Variants in ITIH2 observed in about 807,000 individuals in gnomAD.
ITIH2 encodes the protein inter-alpha-trypsin inhibitor heavy chain 2, also known as inter-alpha-trypsin inhibitor heavy chain H2.
A neutral mutation model predicts 104.4 loss-of-function variants in ITIH2; 103 were observed. That is an observed-to-expected ratio of 0.99 (90% CI 0.84 to 1.16). The LOEUF is 1.16. Ranked by LOEUF, ITIH2 falls within the 50% of genes most tolerant of loss-of-function variation. ITIH2 has a pLI of 0.00. For missense variants in ITIH2, 1,108 were observed against 1,162.4 expected, an observed-to-expected ratio of 0.95 and a Z score of 0.68; for synonymous variants, 436 against 435.4, an observed-to-expected ratio of 1.00 and a Z score of -0.02.
intron 4 of ITIH2, among the ~76,000 whole-genome samples, chr10:7,711,735 G>A (rs1392584258): frequency 6.6e-6 from 1 of 152,182 alleles, no homozygotes; most frequent in African/African-American, 2.4e-5. Context: ...ATTCTTCAGT[G>A]GAGCTGTCCC....
chr10:7,744,024 C>T, intron 17 of ITIH2, 58 bp from the exon 18 acceptor site: 2 of 1,288,136 alleles, frequency 1.6e-6, no homozygotes, highest in East Asian at 2.4e-5. Context: ...ATTATAGTAC[C>T]CACACATGCA....
intron 6 of ITIH2, among the ~76,000 whole-genome samples, chr10:7,718,404 G>T (rs1887332): frequency 6.6e-6 from 1 of 152,068 alleles, no homozygotes; most frequent in Admixed American, 6.5e-5. Context: ...GAGGTTGGGC[G>T]CATCTTTAGG....
At chr10:7,739,295 C>G (rs1290314717) in intron 16 of ITIH2, among the ~76,000 whole-genome samples, 1 of 152,182 alleles carries the variant, frequency 6.6e-6, no homozygotes, top group Non-Finnish European at 1.5e-5. Context: ...TCTAGAAAAC[C>G]TGTGTGCAGC....
intron 15 of ITIH2, 55 bp downstream of exon 15, chr10:7,735,146 T>C (rs544777485): frequency 1.3e-6 from 2 of 1,508,358 alleles, no homozygotes; most frequent in Non-Finnish European, 1.8e-6. Context: ...GCCCCGGGGG[T>C]GGGCGAAGTC....
At chr10:7,715,149 G>A (rs1352809158) in intron 5 of ITIH2, among the ~76,000 whole-genome samples, 7 of 152,238 alleles carry the variant, frequency 4.6e-5, no homozygotes, top group East Asian at 3.9e-4. Flanking sequence ...CCAGCCAGGC[G>A]TGGTGGCTCA....
At chr10:7,743,453 A>G (rs1435968428) in intron 17 of ITIH2, among the ~76,000 whole-genome samples, 194 bp downstream of exon 17, 1 of 152,150 alleles carries the variant, frequency 6.6e-6, no homozygotes, top group Non-Finnish European at 1.5e-5. Flanking sequence ...CTGAGTATGA[A>G]CTTGCAGATC....
At chr10:7,734,710 A>T (rs992914354) in intron 14 of ITIH2, among the ~76,000 whole-genome samples, 6 of 152,176 alleles carry the variant, frequency 3.9e-5, no homozygotes, top group African/African-American at 1.4e-4. Context: ...TAATAATGAT[A>T]ATAAATAAGT....
intron 19 of ITIH2, among the ~76,000 whole-genome samples, chr10:7,746,068 T>TAAAAAAAAAAA (rs372266950): frequency 5.6e-5 from 2 of 35,796 alleles, no homozygotes; most frequent in African/African-American, 1.8e-4. Context: ...ATCTTAAATT[T>TAAAAAAAAAAA]AAAAAAAAAA....
At chr10:7,746,766 C>G in intron 20 of ITIH2, 62 bp downstream of exon 20, 1 of 990,376 alleles carries the variant, frequency 1.0e-6, no homozygotes, top group Admixed American at 1.9e-5. Flanking sequence ...ACCCACACAG[C>G]AAAATAGAGG....
At chr10:7,747,068 C>T (rs1002426317) in intron 20 of ITIH2, among the ~76,000 whole-genome samples, 17 of 152,188 alleles carry the variant, frequency 1.1e-4, no homozygotes, top group African/African-American at 3.6e-4. Context: ...TAGATTTTTA[C>T]ATCAGGCTAG....
intron 4 of ITIH2, among the ~76,000 whole-genome samples, chr10:7,711,231 C>CT (rs1489780665): frequency 6.6e-6 from 1 of 152,194 alleles, no homozygotes; most frequent in African/African-American, 2.4e-5. Context: ...AGGAAGATGG[C>CT]TTACAGCTTC....
At position 7,721,671 on chromosome 10, in the gene ITIH2, C is replaced by T. The variant is rs142238924; in HGVS notation, c.761C>T (p.Thr254Met). ...QQKAHVSFKPTVAQQRICPNC... is the reference protein window; with the variant it reads ...QQKAHVSFKPMVAQQRICPNC... ...TAGGCGCACGTCTCCTTCAAGCCCA[C>T]GGTAGCACAGCAGAGAATATGCCCT... Residue 254 changes from threonine (T) to methionine (M), a missense_variant, in exon 8 of 21, where the codon ACG becomes ATG. Transcript: ENST00000358415. 3.9e-5 allele frequency: 63 copies of T among 1,613,654 alleles called. No homozygotes were observed. Among genetic ancestry groups the T allele is most frequent in the African/African-American group, 1.2e-4 (9 of 75,044 alleles).
chr10:7,721,880 C>A, intron 8 of ITIH2, 103 bp downstream of exon 8: 1 of 1,264,600 alleles, frequency 7.9e-7, no homozygotes, highest in African/African-American at 1.5e-5. Context: ...GCTGCCAGGG[C>A]AAGTGTTTCT....
Position 7,731,881 on chromosome 10 carries a change from C to T in ITIH2, c.1532C>T (p.Thr511Met), listed in dbSNP as rs748510779. 6.7e-5 allele frequency: 108 copies of T among 1,613,846 alleles called. 2 individuals carry two copies. In the South Asian group the frequency reaches 8.9e-4, roughly 13 times the overall value. ...VQFNYPHTSV[T>M]DVTQNNFHNY... ...TTCAACTATCCCCATACATCAGTCA[C>T]GGACGTCACTCAAAACAATTTCCAT... The change falls in exon 13 of 21, where the codon ACG (threonine) becomes ATG (methionine). Residue 511 changes from threonine to methionine, a missense_variant. Thr to Met is a moderately conservative substitution (Grantham distance 81, BLOSUM62 -1). Coordinates refer to ENST00000358415, the MANE Select transcript of ITIH2 (RefSeq NM_002216.3).
In ITIH2 at chr10:7,703,622, CTT is replaced by C. The variant is rs148591195; in HGVS notation, c.84+105_84+106del. ...GGCCTTATTCTGTGTGTAATGGAAA[CTT>C]AAGATAAAATTCATCTGAGTGCAAG... On this transcript the variant is annotated intron_variant, in intron 1 of 20. Transcript: ENST00000358415. 3,918 of 723,282 alleles carry C rather than the reference CTT, an allele frequency of 5.4e-3. 79 individuals are homozygous for C. Among genetic ancestry groups the C allele is most frequent in the African/African-American group, 0.051 (2,891 of 56,636 alleles). 44.8% of individuals were successfully genotyped at this position (723,282 alleles called of 1,614,324 possible). A position where few individuals can be genotyped will look rare whatever the true frequency, so the allele number is the denominator to read the frequency against.
intron 3 of ITIH2, among the ~76,000 whole-genome samples, chr10:7,708,731 T>C (rs1162605367): frequency 1.3e-5 from 2 of 152,164 alleles, no homozygotes; most frequent in Non-Finnish European, 2.9e-5. Context: ...CCACACCGTT[T>C]TCTACTTGTA....
intron 6 of ITIH2, among the ~76,000 whole-genome samples, chr10:7,719,652 T>C (rs1053926459): frequency 6.7e-6 from 1 of 149,904 alleles, no homozygotes; most frequent in Admixed American, 6.7e-5. Context: ...TCCCACCCAC[T>C]TGGGAGGCTG....
At chr10:7,743,353 A>T (rs1313787264) in intron 17 of ITIH2, 94 bp downstream of exon 17, 3 of 692,114 alleles carry the variant, frequency 4.3e-6, no homozygotes, top group Non-Finnish European at 7.6e-6. Flanking sequence ...GCTTAATAGA[A>T]GTTCTATATA....
At chr10:7,708,926 G>A (rs1300820404) in intron 3 of ITIH2, 96 bp from the exon 4 acceptor site, 1 of 1,033,520 alleles carries the variant, frequency 9.7e-7, no homozygotes, top group East Asian at 2.4e-5. Context: ...AGTAAAACAA[G>A]TAAAATGTAG....
Sources: allele counts gnomAD v4.1 joint callset (sites outside exome capture counted in the v4.1 genomes callset), GRCh38; gene constraint gnomAD v4.1.1; transcripts MANE v1.5; gene names NCBI Gene and HGNC (gene_info 2026-07-23, HGNC 2026-07-21).